The following KIAA1671 variants were observed in gnomAD, a reference collection of about 807,000 sequenced individuals.
KIAA1671 encodes uncharacterized protein KIAA1671.
Under a neutral mutation model 131.2 loss-of-function variants are expected in KIAA1671, and 52 were observed. The observed-to-expected ratio is 0.40, with a 90% CI of 0.32 to 0.50. The LOEUF is 0.50. KIAA1671 is among the 20% of genes least tolerant of loss of function. The pLI is 0.73. For synonymous variants in KIAA1671, 1,003 were observed against 961.6 expected, an observed-to-expected ratio of 1.04 and a Z score of -0.80; for missense variants, 2,360 against 2,364.2, an observed-to-expected ratio of 1.00 and a Z score of 0.04.
intron 3 of KIAA1671, among the ~76,000 whole-genome samples, chr22:25,030,677 T>C (rs1926238102): frequency 6.6e-6 from 1 of 152,278 alleles, no homozygotes; most frequent in Non-Finnish European, 1.5e-5. Flanking sequence ...ATAATGATAT[T>C]CTAAGTCGGT....
Position 25,132,231 on chromosome 22 carries a change from A to G in KIAA1671, c.4531-38589A>G, listed in dbSNP as rs183987409. Among the ~76,000 whole-genome samples the G allele has an allele frequency of 1.1e-4, 17 of 152,298 alleles. No homozygotes were observed. In the East Asian group the frequency reaches 2.9e-3, roughly 26 times the overall value. On this transcript the variant is annotated intron_variant, in intron 6 of 12. Transcript: ENST00000358431. ...TCTCACTCACCCTTCCAGTTTGCAA[A>G]CTATTGTTAGAGAACGGAGGTTCTC...
intron 6 of KIAA1671, among the ~76,000 whole-genome samples, chr22:25,138,525 T>C (rs1024254481): frequency 3.9e-5 from 6 of 152,200 alleles, no homozygotes; most frequent in Non-Finnish European, 8.8e-5. Context: ...TCTCCTTCTC[T>C]GAAGCATGAG....
intron 4 of KIAA1671, among the ~76,000 whole-genome samples, chr22:25,035,172 G>A (rs1208793272): frequency 1.3e-5 from 2 of 151,280 alleles, no homozygotes; most frequent in African/African-American, 4.9e-5. Flanking sequence ...AGCCTCCTGA[G>A]TAGCTGGGGA....
intron 6 of KIAA1671, among the ~76,000 whole-genome samples, chr22:25,084,230 A>G (rs1383081605): frequency 6.6e-6 from 1 of 152,076 alleles, no homozygotes; most frequent in Admixed American, 6.5e-5. Context: ...TAATCCCAGC[A>G]CTTTGGGAGG....
chr22:24,989,762 G>A (rs1050180409), intron 1 of KIAA1671, among the ~76,000 whole-genome samples: 2 of 152,052 alleles, frequency 1.3e-5, no homozygotes, highest in African/African-American at 2.4e-5. Flanking sequence ...AAGAAAACAC[G>A]CACTATTGTC....
chr22:25,113,866 G>A (rs574862927), intron 6 of KIAA1671, among the ~76,000 whole-genome samples: 3 of 152,304 alleles, frequency 2.0e-5, no homozygotes, highest in South Asian at 4.1e-4. Flanking sequence ...GTGTATCTCT[G>A]TCTCTGTGAT....
At chr22:25,020,832 C>G (rs1270071447) in intron 1 of KIAA1671, among the ~76,000 whole-genome samples, 3 of 152,260 alleles carry the variant, frequency 2.0e-5, no homozygotes, top group African/African-American at 7.2e-5. Context: ...CTGTGACAGA[C>G]AGATGGGGTG....
At chr22:24,983,229 A>G (rs1343617413) in intron 1 of KIAA1671, among the ~76,000 whole-genome samples, 1 of 152,190 alleles carries the variant, frequency 6.6e-6, no homozygotes, top group Non-Finnish European at 1.5e-5. Context: ...GGGTGGTTTC[A>G]AAACAACAGC....
intron 6 of KIAA1671, among the ~76,000 whole-genome samples, chr22:25,155,976 G>A (rs1319448850): frequency 1.6e-5 from 2 of 123,404 alleles, no homozygotes; most frequent in Admixed American, 8.3e-5. Flanking sequence ...GTGTGTATTT[G>A]TGTGTATCTT....
chr22:25,177,127 T>A, intron 8 of KIAA1671: 1 of 544,286 alleles, frequency 1.8e-6, no homozygotes. Flanking sequence ...TCAAGGTTCA[T>A]TGTTCCACCT....
chr22:25,072,106 T>C (rs1928861847), intron 6 of KIAA1671, among the ~76,000 whole-genome samples: 1 of 152,064 alleles, frequency 6.6e-6, no homozygotes, highest in Non-Finnish European at 1.5e-5. Flanking sequence ...GGGAACAGCA[T>C]GTGCAAAGGG....
At chr22:25,142,062 G>C (rs1183673411) in intron 6 of KIAA1671, among the ~76,000 whole-genome samples, 1 of 152,170 alleles carries the variant, frequency 6.6e-6, no homozygotes, top group South Asian at 2.1e-4. Context: ...CCACCAAAAT[G>C]GTTGCTTGTT....
intron 6 of KIAA1671, among the ~76,000 whole-genome samples, chr22:25,168,720 G>T (rs918623831): frequency 6.6e-6 from 1 of 152,052 alleles, no homozygotes; most frequent in Non-Finnish European, 1.5e-5. Flanking sequence ...TTAGGGAGGA[G>T]ATATCACCAT....
intron 6 of KIAA1671, chr22:25,111,905 T>TCA (rs896753437): frequency 2.8e-5 from 7 of 248,452 alleles, no homozygotes; most frequent in African/African-American, 1.5e-4. Context: ...CCCAGTGTGT[T>TCA]GACTTTATAA....
intron 1 of KIAA1671, among the ~76,000 whole-genome samples, chr22:24,993,361 A>G (rs1038261062): frequency 3.9e-5 from 6 of 152,192 alleles, no homozygotes; most frequent in African/African-American, 1.2e-4. Flanking sequence ...AAGTCAGCCC[A>G]TGATACTTCC....
intron 6 of KIAA1671, among the ~76,000 whole-genome samples, chr22:25,078,759 G>T (rs181755249): frequency 3.5e-4 from 54 of 152,278 alleles, no homozygotes; most frequent in African/African-American, 1.3e-3. Context: ...TGAAATAGAA[G>T]AACTGACTAT....
intron 1 of KIAA1671, among the ~76,000 whole-genome samples, chr22:25,018,080 C>A (rs5996814): frequency 2.0e-5 from 3 of 150,988 alleles, no homozygotes; most frequent in African/African-American, 4.9e-5. Flanking sequence ...AGTTGCGATA[C>A]CTTCTCTTCT....
chr22:25,127,903 G>A (rs549592730), intron 6 of KIAA1671, among the ~76,000 whole-genome samples: 3 of 152,314 alleles, frequency 2.0e-5, no homozygotes, highest in African/African-American at 7.2e-5. Flanking sequence ...CTGAATTGTG[G>A]TGAAGCGGCT....
In KIAA1671 at chr22:25,028,263, G is replaced by A. The variant is rs1926066073; in HGVS notation, c.264G>A (p.Ser88=). The change falls in exon 3 of 13, where the codon TCG becomes TCA. Residue 88 remains serine (S), a synonymous_variant. Transcript: ENST00000358431. ...CTGTCCCGTCTCTGCGGCCCAGTTC[G>A]ACTGGACCTTCCCCCTCTGGGGGGC... ...KSPVPSLRPS[S]TGPSPSGGLS... 3 of 1,551,534 alleles carry A rather than the reference G, an allele frequency of 1.9e-6. No homozygotes were observed. The highest frequency in any genetic ancestry group is 2.6e-6 in the Non-Finnish European group (3 of 1,146,984).
Sources: allele counts gnomAD v4.1 joint callset (sites outside exome capture counted in the v4.1 genomes callset), GRCh38; gene constraint gnomAD v4.1.1; transcripts MANE v1.5; gene names NCBI Gene and HGNC (gene_info 2026-07-23, HGNC 2026-07-21).